The following ETV6 variants were observed in gnomAD, a reference collection of about 807,000 sequenced individuals.
ETV6 encodes the protein ETS variant transcription factor 6, also known as transcription factor ETV6.
A neutral mutation model predicts 51.1 loss-of-function variants in ETV6; 16 were observed. The observed-to-expected ratio is 0.31, with a 90% CI of 0.21 to 0.48. The LOEUF (loss-of-function observed/expected upper bound fraction) is 0.48. Ranked by LOEUF, ETV6 falls within the 20% of genes least tolerant of loss-of-function variation. The probability of loss-of-function intolerance (pLI) is 0.99; values close to 1 mark genes in which losing one functional copy is unlikely to be tolerated. For missense variants in ETV6, 458 were observed against 594.8 expected, an observed-to-expected ratio of 0.77 and a Z score of 2.39; for synonymous variants, 240 against 224.1, an observed-to-expected ratio of 1.07 and a Z score of -0.64.
chr12:11,805,643 TGAGACTGGAAGAG>T (rs528271943), intron 2 of ETV6, among the ~76,000 whole-genome samples: 3 of 152,220 alleles, frequency 2.0e-5, no homozygotes, highest in Admixed American at 6.5e-5. Context: ...GTGAAGGCCC[TGAGACTGGAAGAG>T]GATTTGTTCT....
intron 2 of ETV6, among the ~76,000 whole-genome samples, chr12:11,818,365 A>G (rs761658297): frequency 6.6e-6 from 1 of 152,130 alleles, no homozygotes; most frequent in Non-Finnish European, 1.5e-5. Context: ...TAAAAAATAC[A>G]TAAGTAACAA....
At chr12:11,774,351 G>A (rs759902824) in intron 2 of ETV6, among the ~76,000 whole-genome samples, 1 of 152,186 alleles carries the variant, frequency 6.6e-6, no homozygotes, top group Non-Finnish European at 1.5e-5. Context: ...TGTTAACCAC[G>A]CAAGAGAGTC....
chr12:11,788,006 A>C (rs1435411487), intron 2 of ETV6, among the ~76,000 whole-genome samples: 1 of 152,216 alleles, frequency 6.6e-6, no homozygotes, highest in Non-Finnish European at 1.5e-5. Flanking sequence ...TAATTACGGG[A>C]GTAAAGCACA....
At chr12:11,829,566 T>C (rs535819241) in intron 2 of ETV6, among the ~76,000 whole-genome samples, 1 of 152,304 alleles carries the variant, frequency 6.6e-6, no homozygotes, top group Admixed American at 6.5e-5. Flanking sequence ...CTCTTCTAAG[T>C]CACGTTTGTG....
intron 2 of ETV6, among the ~76,000 whole-genome samples, chr12:11,778,512 C>T (rs192577223): frequency 1.1e-4 from 16 of 152,248 alleles, no homozygotes; most frequent in African/African-American, 3.1e-4. Context: ...TCAATATATG[C>T]GTGTTGAATC....
chr12:11,818,300 G>T lies in ETV6; in HGVS notation c.164-20840G>T, dbSNP rs182952945. ...TGGGAGGCCAAGGTGAGCAGATCAC[G>T]TGAGGCCAGGAGTTTGAGACCAGCC... is the stretch of plus-strand genomic sequence containing the variant. On this transcript the variant is annotated intron_variant, in intron 2 of 7. Coordinates refer to ENST00000396373, the MANE Select transcript of ETV6 (RefSeq NM_001987.5). 8.5e-5 allele frequency among the ~76,000 whole-genome samples: 13 copies of T among 152,212 alleles called. No homozygotes were observed. The East Asian group carries it at 2.1e-3, about 25-fold the overall frequency.
chr12:11,818,443 G>A (rs563730190), intron 2 of ETV6, among the ~76,000 whole-genome samples: 31 of 151,548 alleles, frequency 2.0e-4, no homozygotes, highest in African/African-American at 6.1e-4. Context: ...CACAACAATC[G>A]CTTGAACCTG....
intron 1 of ETV6, among the ~76,000 whole-genome samples, chr12:11,735,487 C>T (rs1246694975): frequency 1.3e-5 from 2 of 152,200 alleles, no homozygotes; most frequent in Non-Finnish European, 2.9e-5. Flanking sequence ...AATAAACAAA[C>T]TACTTAATTG....
chr12:11,742,513 C>G (rs1285068657), intron 1 of ETV6, among the ~76,000 whole-genome samples: 1 of 152,120 alleles, frequency 6.6e-6, no homozygotes, highest in Non-Finnish European at 1.5e-5. Flanking sequence ...CACTCCTAAT[C>G]AGTATATAAG....
chr12:11,832,983 C>T (rs1946265909), intron 2 of ETV6, among the ~76,000 whole-genome samples: 1 of 152,172 alleles, frequency 6.6e-6, no homozygotes, highest in African/African-American at 2.4e-5. Flanking sequence ...CGTGAAATTA[C>T]AGAGTATAGA....
chr12:11,822,370 C>G (rs1395822290), intron 2 of ETV6, among the ~76,000 whole-genome samples: 1 of 152,200 alleles, frequency 6.6e-6, no homozygotes, highest in Non-Finnish European at 1.5e-5. Context: ...TTTGTTAATC[C>G]TGCCTTGTGC....
At chr12:11,650,514 A>AAC (rs1863884548) in intron 1 of ETV6, among the ~76,000 whole-genome samples, 2 of 150,344 alleles carry the variant, frequency 1.3e-5, no homozygotes, top group Admixed American at 6.6e-5. Flanking sequence ...AAAAAAAAAA[A>AAC]ACCTGCTCCC....
chr12:11,816,468 G>C (rs536382694), intron 2 of ETV6, among the ~76,000 whole-genome samples: 305 of 152,196 alleles, frequency 2.0e-3, no homozygotes, highest in African/African-American at 7.0e-3. Context: ...GGATGGTCTC[G>C]ATCTCCTGAC....
chr12:11,757,139 A>G (rs1945019909), intron 2 of ETV6, among the ~76,000 whole-genome samples: 1 of 152,198 alleles, frequency 6.6e-6, no homozygotes, highest in African/African-American at 2.4e-5. Context: ...AACACCAGAA[A>G]TAGTCCCTTG....
intron 1 of ETV6, among the ~76,000 whole-genome samples, chr12:11,680,297 T>C (rs1413240184): frequency 6.6e-6 from 1 of 152,230 alleles, no homozygotes; most frequent in South Asian, 2.1e-4. Flanking sequence ...GATAATATGC[T>C]AGAACCAAAT....
chr12:11,683,634 G>T (rs758593744), intron 1 of ETV6, among the ~76,000 whole-genome samples: 30 of 152,228 alleles, frequency 2.0e-4, no homozygotes, highest in Non-Finnish European at 2.1e-4. Context: ...GGAGGAAAGG[G>T]GGCATGAACT....
chr12:11,760,176 AG>A (rs1212540610), intron 2 of ETV6, among the ~76,000 whole-genome samples: 1 of 152,232 alleles, frequency 6.6e-6, no homozygotes, highest in African/African-American at 2.4e-5. Context: ...TAAATTCCCA[AG>A]TATAATTAGT....
intron 3 of ETV6, chr12:11,840,687 A>G (rs1242202680): frequency 3.0e-6 from 1 of 330,694 alleles, no homozygotes; most frequent in Admixed American, 4.3e-5. Context: ...AAGAAATGCT[A>G]AAGAAGTTCC....
chr12:11,746,385 A>G (rs1315523269), intron 1 of ETV6, among the ~76,000 whole-genome samples: 1 of 152,208 alleles, frequency 6.6e-6, no homozygotes, highest in Non-Finnish European at 1.5e-5. Context: ...GAATGGAGAT[A>G]ACGATGCCTT....
Sources: allele counts gnomAD v4.1 joint callset (sites outside exome capture counted in the v4.1 genomes callset), GRCh38; gene constraint gnomAD v4.1.1; transcripts MANE v1.5; gene names NCBI Gene and HGNC (gene_info 2026-07-23, HGNC 2026-07-21).